Variants in CACNA2D3 observed in about 807,000 individuals in gnomAD.
CACNA2D3 encodes the protein calcium voltage-gated channel auxiliary subunit alpha2delta 3, also known as voltage-dependent calcium channel subunit alpha-2/delta-3.
Under a neutral mutation model 160.6 loss-of-function variants are expected in CACNA2D3, and 60 were observed. That is an observed-to-expected ratio of 0.37 (90% confidence interval 0.30 to 0.46). The LOEUF (loss-of-function observed/expected upper bound fraction) is 0.46. Among genes scored for constraint, CACNA2D3 ranks in the 20% least tolerant of loss-of-function variants. The pLI, the probability that CACNA2D3 is intolerant of heterozygous loss-of-function variation, is 1.00. For missense variants in CACNA2D3, 1,205 were observed against 1,365.0 expected (o/e 0.88, Z 1.85); for synonymous variants, 558 against 492.9 (o/e 1.13, Z -1.75).
intron 13 of CACNA2D3, among the ~76,000 whole-genome samples, chr3:54,816,506 A>G (rs1703460046): frequency 6.6e-6 from 1 of 152,150 alleles, no homozygotes; most frequent in African/African-American, 2.4e-5. Context: ...CTGCTGGTCA[A>G]AGGAAGAAGG....
chr3:54,136,398 A>G (rs1405823902), intron 2 of CACNA2D3, among the ~76,000 whole-genome samples: 1 of 152,226 alleles, frequency 6.6e-6, no homozygotes, highest in East Asian at 1.9e-4. Context: ...GTTTAGGGGA[A>G]TCTTTAGCAA....
At chr3:54,643,538 T>A (rs1021502314) in intron 11 of CACNA2D3, among the ~76,000 whole-genome samples, 2 of 152,148 alleles carry the variant, frequency 1.3e-5, no homozygotes, top group Non-Finnish European at 2.9e-5. Context: ...CCAGAGGATA[T>A]CCAGGAATAA....
intron 2 of CACNA2D3, among the ~76,000 whole-genome samples, chr3:54,227,203 ATGTTAC>A (rs141592874): frequency 0.054 from 8,202 of 152,186 alleles, 694 homozygotes; most frequent in African/African-American, 0.18. Context: ...GGTTAACAAT[ATGTTAC>A]TGTGTAGGGG....
At chr3:54,944,514 G>A (rs1701559954) in intron 27 of CACNA2D3, among the ~76,000 whole-genome samples, 1 of 151,924 alleles carries the variant, frequency 6.6e-6, no homozygotes, top group South Asian at 2.1e-4. Context: ...TCTGCCTCCC[G>A]GGTTCACGCC....
At chr3:54,275,063 A>G (rs770403140) in intron 2 of CACNA2D3, among the ~76,000 whole-genome samples, 5 of 152,236 alleles carry the variant, frequency 3.3e-5, no homozygotes, top group Admixed American at 1.3e-4. Context: ...GCCGCAGACA[A>G]TCCTGCTTAT....
chr3:54,836,226 CTTTTTTTTTTTTTTT>C (rs1304869178), intron 14 of CACNA2D3, among the ~76,000 whole-genome samples: 2 of 92,704 alleles, frequency 2.2e-5, no homozygotes, highest in African/African-American at 7.8e-5. Context: ...TTTTTTTTTT[CTTTTTTTTTTTTTTT>C]GTTTTTGTTT....
intron 32 of CACNA2D3, among the ~76,000 whole-genome samples, chr3:55,005,051 G>T (rs1703063040): frequency 6.6e-6 from 1 of 151,830 alleles, no homozygotes; most frequent in African/African-American, 2.4e-5. Flanking sequence ...CGAGGTGGCT[G>T]GATCACTTGG....
intron 35 of CACNA2D3, among the ~76,000 whole-genome samples, chr3:55,039,571 G>A (rs1158201687): frequency 1.1e-4 from 16 of 152,216 alleles, no homozygotes; most frequent in Admixed American, 7.9e-4. Flanking sequence ...GCCTGTGGAA[G>A]CCACTTCAAC....
chr3:54,363,676 CAAGCAGTCAAGGTTGCT>C, intron 3 of CACNA2D3, among the ~76,000 whole-genome samples: 1 of 152,266 alleles, frequency 6.6e-6, no homozygotes, highest in South Asian at 2.1e-4. Flanking sequence ...ACTGGCCTGC[CAAGCAGTCAAGGTTGCT>C]TTTGGCAAAG....
intron 27 of CACNA2D3, among the ~76,000 whole-genome samples, chr3:54,942,552 C>T (rs955014656): frequency 3.3e-5 from 5 of 152,114 alleles, no homozygotes; most frequent in Non-Finnish European, 7.3e-5. Context: ...TATATGAATG[C>T]AGTTTCTAAA....
intron 8 of CACNA2D3, among the ~76,000 whole-genome samples, chr3:54,570,778 T>A (rs998669936): frequency 1.3e-5 from 2 of 152,080 alleles, no homozygotes; most frequent in Non-Finnish European, 2.9e-5. Context: ...AAATGGGAGA[T>A]CAGGGAACCA....
intron 2 of CACNA2D3, among the ~76,000 whole-genome samples, chr3:54,311,015 G>A (rs1003021973): frequency 2.6e-5 from 4 of 152,178 alleles, no homozygotes; most frequent in East Asian, 1.9e-4. Context: ...TGTTAGGACC[G>A]CTTGCCCCTA....
At chr3:54,434,028 A>G (rs948909252) in intron 4 of CACNA2D3, among the ~76,000 whole-genome samples, 6 of 152,206 alleles carry the variant, frequency 3.9e-5, no homozygotes. Flanking sequence ...TGGAAGCAGC[A>G]GCGCTCCGGT....
At chr3:55,006,378 CT>C (rs1488420508) in intron 32 of CACNA2D3, among the ~76,000 whole-genome samples, 5 of 152,142 alleles carry the variant, frequency 3.3e-5, no homozygotes, top group African/African-American at 1.2e-4. Context: ...TTCCTTAATC[CT>C]TTTATTCACT....
intron 9 of CACNA2D3, among the ~76,000 whole-genome samples, chr3:54,617,859 TC>T (rs1478431476): frequency 6.6e-6 from 1 of 151,796 alleles, no homozygotes; most frequent in African/African-American, 2.4e-5. Flanking sequence ...CACCACTGGG[TC>T]CCCTGTCCCT....
chr3:54,970,478 C>A (rs1446679207), intron 29 of CACNA2D3, among the ~76,000 whole-genome samples: 1 of 122,796 alleles, frequency 8.1e-6, no homozygotes, highest in Admixed American at 8.1e-5. Flanking sequence ...TTCCTCACCC[C>A]TCTCCTCCCT....
intron 4 of CACNA2D3, among the ~76,000 whole-genome samples, chr3:54,416,939 A>G (rs1432936086): frequency 6.6e-6 from 1 of 152,208 alleles, no homozygotes; most frequent in Non-Finnish European, 1.5e-5. Flanking sequence ...ATACAACTCA[A>G]GTTGCCACTG....
intron 3 of CACNA2D3, among the ~76,000 whole-genome samples, chr3:54,323,828 C>G (rs987374097): frequency 6.6e-6 from 1 of 152,150 alleles, no homozygotes; most frequent in Non-Finnish European, 1.5e-5. Context: ...CCCTATCACT[C>G]TGATGCGCCA....
At chr3:54,461,849 G>T (rs549475491) in intron 4 of CACNA2D3, among the ~76,000 whole-genome samples, 327 of 152,254 alleles carry the variant, frequency 2.1e-3, no homozygotes, top group Non-Finnish European at 3.7e-3. Flanking sequence ...TGCTTTTCTA[G>T]TTCTTTTAAT....
Sources: allele counts gnomAD v4.1 joint callset (sites outside exome capture counted in the v4.1 genomes callset), GRCh38; gene constraint gnomAD v4.1.1; transcripts MANE v1.5; gene names NCBI Gene and HGNC (gene_info 2026-07-23, HGNC 2026-07-21).